Variants in MILR1 observed in about 807,000 individuals in gnomAD.
MILR1 encodes the protein mast cell immunoglobulin like receptor 1.
Under a neutral mutation model 18.5 loss-of-function variants are expected in MILR1, and 31 were observed. The observed-to-expected ratio is 1.68, with a 90% CI of 1.26 to 2.26. The LOEUF is 2.26. Among genes scored for constraint, MILR1 ranks in the 30% most tolerant of loss-of-function variants. MILR1 has a pLI of 0.00. For synonymous variants in MILR1, 85 were observed against 56.2 expected (o/e 1.51, Z -2.30); for missense variants, 257 against 157.4 (o/e 1.63, Z -3.38).
chr17:64,484,030 T>C, the MILR1 span: 1 of 152,258 alleles, frequency 6.6e-6, no homozygotes, highest in East Asian at 1.9e-4. Context: ...TTCTCATTCA[T>C]TAGTCCATCC....
chr17:64,479,383 CTATGT>C, the MILR1 span, among the ~76,000 whole-genome samples: 4 of 151,962 alleles, frequency 2.6e-5, no homozygotes, highest in Admixed American at 1.3e-4. Context: ...CGGGGTTTTG[CTATGT>C]TGGCCAGGCT....
chr17:64,458,194 T>TTTCCTTCC (rs35194632), intron 4 of MILR1, among the ~76,000 whole-genome samples: 9 of 145,710 alleles, frequency 6.2e-5, no homozygotes, highest in African/African-American at 1.8e-4. Flanking sequence ...TCCTTCCTTC[T>TTTCCTTCC]TTCCTTCCTT....
the MILR1 span, among the ~76,000 whole-genome samples, chr17:64,475,260 A>C: frequency 6.6e-6 from 1 of 152,150 alleles, no homozygotes; most frequent in Non-Finnish European, 1.5e-5. Context: ...GAGCATCAAA[A>C]GGAATAATTA....
At chr17:64,490,715 T>G in the MILR1 span, 1 of 1,086,944 alleles carries the variant, frequency 9.2e-7, no homozygotes, top group African/African-American at 1.5e-5. Context: ...ACACCACGTT[T>G]GCACCTTATT....
chr17:64,460,559 C>T (rs910537332), intron 4 of MILR1, among the ~76,000 whole-genome samples: 76 of 152,004 alleles, frequency 5.0e-4, no homozygotes, highest in Middle Eastern at 6.8e-3. Context: ...TTGCCCAGGC[C>T]GGTCTCAAAC....
chr17:64,465,489 A>G lies in MILR1; in HGVS notation c.801A>G (p.Gly267=), dbSNP rs782453443. The G allele has an allele frequency of 2.0e-5, 33 of 1,610,918 alleles. No homozygotes were observed. The highest frequency in any genetic ancestry group is 2.6e-5 in the Non-Finnish European group (31 of 1,178,720). ...GAAATAATGTGCCCAGGGACCGTGG[A>G]GACACAGCCATGGAAGTTGGAATCT... is the stretch of plus-strand genomic sequence containing the variant. The part of the protein sequence containing the change: ...AMRNNVPRDR[G]DTAMEVGIYA... The change falls in exon 6 of 10, where the codon GGA becomes GGG. Residue 267 remains glycine (G), a synonymous_variant. Coordinates refer to ENST00000619286, the MANE Select transcript of MILR1 (RefSeq NM_001085423.2).
the MILR1 span, chr17:64,492,552 T>C: frequency 1.5e-6 from 1 of 675,962 alleles, no homozygotes; most frequent in Non-Finnish European, 2.6e-6. Context: ...ATTTGTATAA[T>C]ATATTAATAG....
At chr17:64,458,379 A>AT (rs2037350367) in intron 4 of MILR1, among the ~76,000 whole-genome samples, 1 of 151,534 alleles carries the variant, frequency 6.6e-6, no homozygotes, top group South Asian at 2.1e-4. Context: ...CGCTTGGCTA[A>AT]TTTTTGTATT....
Position 64,457,635 on chromosome 17 carries a change from A to G in MILR1, c.603A>G (p.Arg201=), listed in dbSNP as rs1370689026. 4.2e-6 allele frequency: 2 copies of G among 475,222 alleles called. No homozygotes were observed. Among genetic ancestry groups the G allele is most frequent in the Non-Finnish European group, 7.7e-6 (2 of 259,058 alleles). The allele number at this position is 475,222 out of a possible 1,614,324, so 29.4% of individuals were successfully genotyped here. A position where few individuals can be genotyped will look rare whatever the true frequency, so the allele number is the denominator to read the frequency against. The part of the protein sequence containing the change: ...EEEYRCEAKN[R]LPNYATYSHP... The stretch of plus-strand genomic sequence containing the variant: ...AGTATAGGTGTGAAGCTAAAAACAG[A>G]TTGCCTAACTATGCAACATACAGTC... The change falls in exon 4 of 10, where the codon AGA becomes AGG. Residue 201 remains arginine (R), a synonymous_variant. Coordinates refer to ENST00000619286, the MANE Select transcript of MILR1 (RefSeq NM_001085423.2).
chr17:64,476,196 G>T, the MILR1 span, among the ~76,000 whole-genome samples: 1 of 152,034 alleles, frequency 6.6e-6, no homozygotes, highest in African/African-American at 2.4e-5. Context: ...ATAAATGTAT[G>T]TATCTGTCAG....
At chr17:64,469,444 T>C (rs2037652788), downstream of MILR1, among the ~76,000 whole-genome samples, 1 of 152,126 alleles carries the variant, frequency 6.6e-6, no homozygotes, top group Admixed American at 6.6e-5. Context: ...GTCGCCCAGG[T>C]TGGAGTGCCA....
intron 5 of MILR1, among the ~76,000 whole-genome samples, chr17:64,464,723 GA>G (rs1163621463): frequency 6.6e-6 from 1 of 152,138 alleles, no homozygotes; most frequent in Non-Finnish European, 1.5e-5. Context: ...TGGAGTTTGA[GA>G]CCAGCCTGGC....
At chr17:64,467,852 T>C (rs2037611668) in intron 9 of MILR1, 3 of 402,412 alleles carry the variant, frequency 7.5e-6, no homozygotes, top group Non-Finnish European at 1.4e-5. Flanking sequence ...GGAGAATCAC[T>C]TGAGCCCGGG....
At chr17:64,497,181 C>T in the MILR1 span, 5 of 627,062 alleles carry the variant, frequency 8.0e-6, no homozygotes, top group Non-Finnish European at 1.1e-5. Flanking sequence ...GGATGGTTCT[C>T]TGCTAGCTTG....
At chr17:64,488,983 A>G in the MILR1 span, among the ~76,000 whole-genome samples, 1 of 150,412 alleles carries the variant, frequency 6.6e-6, no homozygotes, top group Non-Finnish European at 1.5e-5. Flanking sequence ...CTTTCTACTC[A>G]TTATATATAA....
the MILR1 span, chr17:64,481,096 T>A: frequency 2.8e-5 from 5 of 175,784 alleles, no homozygotes; most frequent in Non-Finnish European, 5.6e-5. Flanking sequence ...CCAGGGTGTT[T>A]AGCAGCATTC....
At chr17:64,465,094 A>G (rs1224004013) in intron 5 of MILR1, among the ~76,000 whole-genome samples, 12 of 151,670 alleles carry the variant, frequency 7.9e-5, no homozygotes, top group African/African-American at 2.9e-4. Flanking sequence ...ACTCCATCTT[A>G]AAAAAAAAGA....
chr17:64,490,496 T>C, the MILR1 span: 1 of 375,962 alleles, frequency 2.7e-6, no homozygotes, highest in East Asian at 6.3e-5. Flanking sequence ...ACAAGAGGAA[T>C]TGTTCATTTG....
rs937791949 is a variant in MILR1, at chr17:64,454,721, C to T, written c.367+1855C>T. On this transcript the variant is annotated intron_variant, in intron 3 of 9. Coordinates refer to ENST00000619286, the MANE Select transcript of MILR1 (RefSeq NM_001085423.2). ...TAGAACCAATTATCTTGGCCAGGTGCGCTGTCTCACAGGTGTAATCCCAGC... is the reference window on the plus strand; with the variant it reads ...TAGAACCAATTATCTTGGCCAGGTGTGCTGTCTCACAGGTGTAATCCCAGC... Among the ~76,000 whole-genome samples, 432 of 152,214 alleles carry T rather than the reference C, an allele frequency of 2.8e-3. 4 individuals are homozygous for T. The highest frequency in any genetic ancestry group is 9.8e-3 in the African/African-American group (405 of 41,532).
Sources: allele counts gnomAD v4.1 joint callset (sites outside exome capture counted in the v4.1 genomes callset), GRCh38; gene constraint gnomAD v4.1.1; transcripts MANE v1.5; gene names NCBI Gene and HGNC (gene_info 2026-07-23, HGNC 2026-07-21).